The following DGKH variants were observed in gnomAD, a reference collection of about 807,000 sequenced individuals.
The protein encoded by DGKH is diacylglycerol kinase eta.
Under a neutral mutation model 159.3 loss-of-function variants are expected in DGKH, and 90 were observed. That is an observed-to-expected ratio of 0.57 (90% CI 0.48 to 0.67). The LOEUF (loss-of-function observed/expected upper bound fraction) is 0.67. Ranked by LOEUF, DGKH falls within the 30% of genes least tolerant of loss-of-function variation. DGKH has a pLI of 0.00. For missense variants in DGKH, 1,181 were observed against 1,506.1 expected, an observed-to-expected ratio of 0.78 and a Z score of 3.57; for synonymous variants, 536 against 553.8, an observed-to-expected ratio of 0.97 and a Z score of 0.45.
At chr13:42,218,525 G>C (rs1360455171) in intron 26 of DGKH, among the ~76,000 whole-genome samples, 1 of 51,712 alleles carries the variant, frequency 1.9e-5, no homozygotes, top group African/African-American at 8.0e-5. Flanking sequence ...TTTTTTTTTT[G>C]AGTCAGAGTT....
chr13:42,053,576 G>A (rs9594665), intron 1 of DGKH, among the ~76,000 whole-genome samples: 13 of 73,732 alleles, frequency 1.8e-4, no homozygotes, highest in African/African-American at 4.0e-4. Flanking sequence ...AACTATATAT[G>A]TATATATATA....
At chr13:42,095,171 T>TTTTTTTTTG (rs1954500106) in intron 1 of DGKH, among the ~76,000 whole-genome samples, 1 of 140,084 alleles carries the variant, frequency 7.1e-6, no homozygotes, top group Non-Finnish European at 1.6e-5. Context: ...TTTTTTTTTT[T>TTTTTTTTTG]TTTTTTTTTG....
intron 20 of DGKH, among the ~76,000 whole-genome samples, chr13:42,202,170 A>G (rs770621135): frequency 2.0e-5 from 3 of 152,266 alleles, no homozygotes; most frequent in Non-Finnish European, 2.9e-5. Flanking sequence ...ACATGTTAAT[A>G]TACATAAAAA....
rs1957896768 is a variant in DGKH, at chr13:42,219,166, T to G, written c.3214-64T>G. 8.2e-6 allele frequency: 13 copies of G among 1,592,138 alleles called. 1 individual carries two copies. The South Asian group carries it at 1.4e-4, about 17-fold the overall frequency. ...TGTTCACTGTCAAAGTACAATGATT[T>G]ATTCTACGTGAGGCTGGCCACTGAG... is the stretch of plus-strand genomic sequence containing the variant. On this transcript the variant is annotated intron_variant, in intron 26 of 29. Coordinates refer to ENST00000337343, the MANE Select transcript of DGKH (RefSeq NM_178009.5).
intron 20 of DGKH, among the ~76,000 whole-genome samples, chr13:42,203,505 G>C (rs186825431): frequency 1.2e-4 from 18 of 152,302 alleles, no homozygotes; most frequent in Admixed American, 4.6e-4. Flanking sequence ...AAAAGCTTAA[G>C]GGACTTACCC....
chr13:42,163,804 T>C (rs1248682169), intron 7 of DGKH, among the ~76,000 whole-genome samples: 16 of 151,876 alleles, frequency 1.1e-4, no homozygotes, highest in African/African-American at 2.9e-4. Context: ...TTCTCCCATT[T>C]TGTAGGTTGC....
Position 42,229,133 on chromosome 13 carries a change from G to A in DGKH, c.3608G>A (p.Arg1203Gln), listed in dbSNP as rs866439930. 5.6e-6 allele frequency: 9 copies of A among 1,611,534 alleles called. No homozygotes were observed. Among genetic ancestry groups the A allele is most frequent in the Non-Finnish European group, 7.6e-6 (9 of 1,179,306 alleles). ...LGIPKVGHVK[R>Q]ILQGIKELGR... is the part of the protein sequence containing the mutation. ...ATACCGAAAGTGGGTCATGTGAAGC[G>A]AATTCTCCAGGGAATTAAAGAGCTT... The change falls in exon 30 of 30, where the codon CGA (arginine) becomes CAA (glutamine). Residue 1203 changes from arginine to glutamine, a missense_variant. Arg to Gln is a conservative substitution (Grantham distance 43). This residue lies in a region of DGKH where 84 missense variants were observed against 77.9 expected (regional missense o/e 1.08). Coordinates refer to ENST00000337343, the MANE Select transcript of DGKH (RefSeq NM_178009.5).
chr13:42,058,255 CA>C (rs1212946726), intron 1 of DGKH, among the ~76,000 whole-genome samples: 1 of 152,130 alleles, frequency 6.6e-6, no homozygotes. Flanking sequence ...TGACATATAA[CA>C]AAACCAATTT....
chr13:42,106,357 C>T (rs1476186355), intron 1 of DGKH, among the ~76,000 whole-genome samples: 1 of 152,114 alleles, frequency 6.6e-6, no homozygotes, highest in East Asian at 1.9e-4. Flanking sequence ...CTTTATTTGC[C>T]ATGCCTTCCA....
chr13:42,249,095 C>T (rs1018032501), intron 29 of DGKH, among the ~76,000 whole-genome samples: 11 of 152,188 alleles, frequency 7.2e-5, no homozygotes, highest in South Asian at 2.1e-4. Context: ...CTGATTGTGG[C>T]GGGCACAGTG....
chr13:42,056,998 A>G (rs1224213864), intron 1 of DGKH, among the ~76,000 whole-genome samples: 2 of 152,216 alleles, frequency 1.3e-5, no homozygotes, highest in Non-Finnish European at 2.9e-5. Context: ...ATGACTGCAC[A>G]TTTGAAAAGT....
chr13:42,184,742 C>T (rs1956865571), intron 13 of DGKH, among the ~76,000 whole-genome samples: 1 of 151,986 alleles, frequency 6.6e-6, no homozygotes, highest in Admixed American at 6.6e-5. Flanking sequence ...TGACATGGAC[C>T]TGTGGTCCTA....
intron 23 of DGKH, 102 bp from the exon 24 acceptor site, chr13:42,210,500 G>C: frequency 9.1e-7 from 1 of 1,101,020 alleles, no homozygotes; most frequent in Non-Finnish European, 1.3e-6. Flanking sequence ...TTTATTTGAG[G>C]AGTCATTAGA....
chr13:42,075,846 C>G (rs1954084636), intron 1 of DGKH, among the ~76,000 whole-genome samples: 1 of 152,192 alleles, frequency 6.6e-6, no homozygotes, highest in African/African-American at 2.4e-5. Flanking sequence ...CCAGTGTTAC[C>G]TAATTCCATC....
Position 42,155,651 on chromosome 13 carries a change from C to G in DGKH, c.490-16C>G, listed in dbSNP as rs778615031. On this transcript the variant is annotated splice_polypyrimidine_tract_variant and intron_variant, in intron 4 of 29. Coordinates refer to ENST00000337343, the MANE Select transcript of DGKH (RefSeq NM_178009.5). ...TTCACTGGCTTGGCAAATCTGTCCTCACATCTCATTTCTAGGTGGCCCAGT... is the reference window on the plus strand; with the variant it reads ...TTCACTGGCTTGGCAAATCTGTCCTGACATCTCATTTCTAGGTGGCCCAGT... 3 of 1,614,114 alleles carry G rather than the reference C, an allele frequency of 1.9e-6. No individual in the cohort carries two copies. In the East Asian group the frequency reaches 6.7e-5, roughly 36 times the overall value.
At chr13:42,166,120 T>G (rs1467591058) in intron 8 of DGKH, among the ~76,000 whole-genome samples, 1 of 152,124 alleles carries the variant, frequency 6.6e-6, no homozygotes. Flanking sequence ...TTCAAACTTT[T>G]TAATTTATGC....
intron 1 of DGKH, among the ~76,000 whole-genome samples, chr13:42,115,955 T>C (rs137866982): frequency 6.6e-6 from 1 of 152,268 alleles, no homozygotes; most frequent in East Asian, 1.9e-4. Flanking sequence ...TGGAAAGGGA[T>C]GGATTTAAGG....
intron 1 of DGKH, chr13:42,069,653 C>A: frequency 1.5e-6 from 2 of 1,303,220 alleles, no homozygotes; most frequent in Non-Finnish European, 2.2e-6. Context: ...TTGCTTTGTT[C>A]TTTCCAATTG....
intron 18 of DGKH, among the ~76,000 whole-genome samples, 175 bp downstream of exon 18, chr13:42,198,770 A>C (rs113855259): frequency 3.9e-4 from 59 of 152,066 alleles, no homozygotes; most frequent in Non-Finnish European, 6.2e-4. Context: ...TTTAAAATTC[A>C]GTGGTCTCCG....
Sources: allele counts gnomAD v4.1 joint callset (sites outside exome capture counted in the v4.1 genomes callset), GRCh38; gene constraint gnomAD v4.1.1; regional missense constraint gnomAD v4.1.1; transcripts MANE v1.5; gene names NCBI Gene and HGNC (gene_info 2026-07-23, HGNC 2026-07-21).